Variants in RFTN1 observed in about 807,000 individuals in gnomAD.
RFTN1 encodes raftlin.
Under a neutral mutation model 46.5 loss-of-function variants are expected in RFTN1, and 26 were observed. That is an observed-to-expected ratio of 0.56 (90% CI 0.41 to 0.78). The LOEUF is 0.78. Among genes scored for constraint, RFTN1 ranks in the 30% least tolerant of loss-of-function variants. The probability of loss-of-function intolerance (pLI) is 0.00; values close to 1 mark genes in which losing one functional copy is unlikely to be tolerated. For synonymous variants in RFTN1, 261 were observed against 284.2 expected (o/e 0.92, Z 0.82); for missense variants, 693 against 718.7 (o/e 0.96, Z 0.41).
intron 2 of RFTN1, among the ~76,000 whole-genome samples, chr3:16,487,708 C>T (rs2076472328): frequency 6.6e-6 from 1 of 152,182 alleles, no homozygotes; most frequent in Non-Finnish European, 1.5e-5. Context: ...ACCAAATGTG[C>T]ATAAAACATA....
At position 16,498,251 on chromosome 3, in the gene RFTN1, T is replaced by C. The variant is rs766757283; in HGVS notation, c.-8-4374A>G. ...CTATATAAAAGCCTAACTTAGGATG[T>C]AAACTTCTGTAACAAATAGCTGAGT... On this transcript the variant is annotated intron_variant, in intron 1 of 9. Transcript: ENST00000334133. This position sits in a 1 kb window ranked among gnomAD's most constrained non-coding sequence, Gnocchi z 5.2. 6.6e-6 allele frequency among the ~76,000 whole-genome samples: 1 copy of C among 152,360 alleles called. No homozygotes were observed. The highest frequency in any genetic ancestry group is 1.9e-4 in the East Asian group (1 of 5,190).
In RFTN1 at chr3:16,433,509, A is replaced by C. The variant is rs965629482; in HGVS notation, c.332+342T>G. On this transcript the variant is annotated intron_variant, in intron 3 of 9. Coordinates refer to ENST00000334133, the MANE Select transcript of RFTN1 (RefSeq NM_015150.2). The surrounding 1 kb of genome is among the most constrained non-coding windows in gnomAD (Gnocchi z 4.4). ...TATTTGTTTTCCAGTCATGCCTTTC[A>C]GTTTAAAAGTATTGCACTTTTACTA... Among the ~76,000 whole-genome samples, 1 of 152,220 alleles carries C rather than the reference A, an allele frequency of 6.6e-6. No individual in the cohort carries two copies. The highest frequency in any genetic ancestry group is 2.4e-5 in the African/African-American group (1 of 41,452).
intron 4 of RFTN1, among the ~76,000 whole-genome samples, chr3:16,391,017 C>A (rs2074331206): frequency 6.6e-6 from 1 of 152,170 alleles, no homozygotes; most frequent in Non-Finnish European, 1.5e-5. Context: ...TCTAACAGCT[C>A]CTTTGACTGC....
At chr3:16,497,004 A>G (rs943904127) in intron 1 of RFTN1, among the ~76,000 whole-genome samples, 3 of 152,204 alleles carry the variant, frequency 2.0e-5, no homozygotes, top group African/African-American at 4.8e-5. Context: ...TACTCCCGTT[A>G]TACAGAGTTC....
chr3:16,366,589 C>T (rs770532324), intron 6 of RFTN1, among the ~76,000 whole-genome samples: 1 of 152,314 alleles, frequency 6.6e-6, no homozygotes, highest in African/African-American at 2.4e-5. Context: ...TTCTATCCCG[C>T]CCACCTCATG....
intron 3 of RFTN1, among the ~76,000 whole-genome samples, chr3:16,431,286 G>A (rs1166364722): frequency 6.6e-6 from 1 of 152,156 alleles, no homozygotes; most frequent in African/African-American, 2.4e-5. Context: ...TGAGTGCCAG[G>A]CATGAAGCCA....
chr3:16,391,894 G>GTTTTTTTTTT (rs147487784), intron 4 of RFTN1, among the ~76,000 whole-genome samples: 2 of 33,052 alleles, frequency 6.1e-5, no homozygotes, highest in Non-Finnish European at 1.7e-4. Context: ...TTTTTTTTTT[G>GTTTTTTTTTT]TTTTTTTTAC....
intron 7 of RFTN1, 48 bp from the exon 8 acceptor site, chr3:16,326,924 T>C: frequency 1.4e-6 from 2 of 1,441,802 alleles, no homozygotes; most frequent in East Asian, 2.3e-5. Context: ...ACAAGCCAAC[T>C]CCCAGGCAAT....
intron 2 of RFTN1, among the ~76,000 whole-genome samples, chr3:16,467,423 A>G (rs771952686): frequency 1.3e-5 from 2 of 152,164 alleles, no homozygotes; most frequent in Admixed American, 1.3e-4. Flanking sequence ...CATTCCACAC[A>G]GGCCCTACAC....
intron 3 of RFTN1, among the ~76,000 whole-genome samples, chr3:16,432,795 C>T (rs932909707): frequency 6.6e-6 from 1 of 152,142 alleles, no homozygotes; most frequent in African/African-American, 2.4e-5. Flanking sequence ...ACATGCACCA[C>T]CTTTCACTTT....
At chr3:16,323,541 C>T in intron 8 of RFTN1, 84 bp from the exon 9 acceptor site, 6 of 956,310 alleles carry the variant, frequency 6.3e-6, no homozygotes, top group Non-Finnish European at 9.9e-6. Flanking sequence ...TCCCTAATTT[C>T]ATCAAAGCAG....
At chr3:16,477,394 A>G (rs946789590) in intron 2 of RFTN1, among the ~76,000 whole-genome samples, 1 of 152,252 alleles carries the variant, frequency 6.6e-6, no homozygotes, top group Non-Finnish European at 1.5e-5. Context: ...GCAAGAAGAC[A>G]CAAGAAACTT....
At position 16,426,828 on chromosome 3, in the gene RFTN1, G is replaced by C. The variant is rs867648621; in HGVS notation, c.332+7023C>G. On this transcript the variant is annotated intron_variant, in intron 3 of 9. Transcript: ENST00000334133. This position sits in a 1 kb window ranked among gnomAD's most constrained non-coding sequence, Gnocchi z 5.9. ...TATGGTCCTTTAGTAAAAGATTGTA[G>C]CAAAATTCCAGGGCATGGTTTTATC... 3.9e-5 allele frequency among the ~76,000 whole-genome samples: 6 copies of C among 152,232 alleles called. No homozygotes were observed. Among genetic ancestry groups the C allele is most frequent in the Middle Eastern group, 3.4e-3 (1 of 294 alleles).
chr3:16,455,790 G>A (rs1236037874), intron 2 of RFTN1, among the ~76,000 whole-genome samples: 2 of 152,082 alleles, frequency 1.3e-5, no homozygotes, highest in East Asian at 1.9e-4. Context: ...AAAACTCAAC[G>A]GATATCCTAG....
chr3:16,494,939 A>G (rs1559375755), intron 1 of RFTN1, among the ~76,000 whole-genome samples: 1 of 152,192 alleles, frequency 6.6e-6, no homozygotes, highest in African/African-American at 2.4e-5. Context: ...TGCTTAATTC[A>G]TTTACAAGGT....
chr3:16,319,781 G>A (rs770735234), intron 9 of RFTN1, among the ~76,000 whole-genome samples: 10 of 152,204 alleles, frequency 6.6e-5, no homozygotes, highest in Non-Finnish European at 1.5e-4. Flanking sequence ...AAAAGGAGAC[G>A]TCTCAGAAAG....
At chr3:16,445,483 T>TCAAACACA (rs1553598967) in intron 2 of RFTN1, among the ~76,000 whole-genome samples, 2 of 126,778 alleles carry the variant, frequency 1.6e-5, no homozygotes, top group African/African-American at 3.1e-5. Flanking sequence ...TCTCTCTCTC[T>TCAAACACA]CACACACACA....
chr3:16,458,480 T>C lies in RFTN1; in HGVS notation c.146-24443A>G, dbSNP rs1390633350. On this transcript the variant is annotated intron_variant, in intron 2 of 9. Coordinates refer to ENST00000334133, the MANE Select transcript of RFTN1 (RefSeq NM_015150.2). This position sits in a 1 kb window ranked among gnomAD's most constrained non-coding sequence, Gnocchi z 5.1. The stretch of plus-strand genomic sequence containing the variant: ...AATTTTTCCTTTCACTTGTCATTAA[T>C]TCTGTTCATCTGCAAGAAGCCCATC... 6.6e-6 allele frequency among the ~76,000 whole-genome samples: 1 copy of C among 152,246 alleles called. No individual in the cohort carries two copies. The highest frequency in any genetic ancestry group is 1.5e-5 in the Non-Finnish European group (1 of 68,032).
Position 16,334,264 on chromosome 3 carries a change from T to A in RFTN1, c.1147-7388A>T, listed in dbSNP as rs939601757. Reference sequence around the variant, plus strand: ...AAAACCCAAAAGTTAGGCAGCCCGCTTTGTTGCCAAGGCCGTGGGGAAGCA... The same window carrying A: ...AAAACCCAAAAGTTAGGCAGCCCGCATTGTTGCCAAGGCCGTGGGGAAGCA... On this transcript the variant is annotated intron_variant, in intron 7 of 9. Coordinates refer to ENST00000334133, the MANE Select transcript of RFTN1 (RefSeq NM_015150.2). This position sits in a 1 kb window ranked among gnomAD's most constrained non-coding sequence, Gnocchi z 4.3. Among the ~76,000 whole-genome samples, 1 of 152,216 alleles carries A rather than the reference T, an allele frequency of 6.6e-6. No individual in the cohort carries two copies. Among genetic ancestry groups the A allele is most frequent in the Non-Finnish European group, 1.5e-5 (1 of 68,034 alleles).
Sources: gnomAD v4.1 joint callset for allele counts (sites outside exome capture counted in the v4.1 genomes callset) on GRCh38, gnomAD v4.1.1 for gene constraint, Gnocchi (gnomAD v3.1) non-coding constraint, MANE v1.5 for transcripts, NCBI Gene and HGNC (gene_info 2026-07-23, HGNC 2026-07-21) for gene names.